Variants in ALMS1 observed in about 807,000 individuals in gnomAD.
ALMS1 encodes the protein centrosome-associated protein ALMS1.
Under a neutral mutation model 352.2 loss-of-function variants are expected in ALMS1, and 271 were observed. The ratio of observed to expected loss-of-function variants is 0.77; its 90% CI spans 0.70 to 0.85. The LOEUF is 0.85. ALMS1 is among the 40% of genes least tolerant of loss of function. The pLI is 0.00. For missense variants in ALMS1, 5,445 were observed against 4,870.7 expected (o/e 1.12, Z -3.51); for synonymous variants, 1,865 against 1,761.2 (o/e 1.06, Z -1.48).
intron 15 of ALMS1, among the ~76,000 whole-genome samples, chr2:73,565,708 A>C (rs1158152081): frequency 6.6e-6 from 1 of 152,230 alleles, no homozygotes; most frequent in Non-Finnish European, 1.5e-5. Flanking sequence ...GATAGTATGT[A>C]CCCTTAATAT....
chr2:73,566,603 C>T (rs1347018153), intron 15 of ALMS1, among the ~76,000 whole-genome samples: 1 of 152,186 alleles, frequency 6.6e-6, no homozygotes, highest in East Asian at 1.9e-4. Flanking sequence ...GAAAGCAAAA[C>T]CACAGATAAG....
At chr2:73,566,562 C>T (rs1479147269) in intron 15 of ALMS1, among the ~76,000 whole-genome samples, 1 of 152,196 alleles carries the variant, frequency 6.6e-6, no homozygotes, top group Non-Finnish European at 1.5e-5. Flanking sequence ...TATTTTTGGA[C>T]CATGGTTGAC....
At chr2:73,462,737 G>T (rs1327134767) in intron 9 of ALMS1, 7 of 152,130 alleles carry the variant, frequency 4.6e-5, no homozygotes, top group Non-Finnish European at 8.8e-5. Flanking sequence ...ACACACATAG[G>T]CTCAAAATAA....
intron 1 of ALMS1, among the ~76,000 whole-genome samples, chr2:73,400,441 G>A (rs774331578): frequency 1.3e-5 from 2 of 152,126 alleles, no homozygotes; most frequent in African/African-American, 4.8e-5. Flanking sequence ...TGGCAGTAGG[G>A]TAATACAGAC....
intron 9 of ALMS1, among the ~76,000 whole-genome samples, chr2:73,456,014 C>G (rs888197319): frequency 6.6e-6 from 1 of 152,030 alleles, no homozygotes; most frequent in Non-Finnish European, 1.5e-5. Flanking sequence ...CTTCTATTAA[C>G]TATTTCATAT....
chr2:73,589,335 T>TATAGTGAAATA (rs1675374806), intron 16 of ALMS1, among the ~76,000 whole-genome samples: 1 of 152,200 alleles, frequency 6.6e-6, no homozygotes, highest in South Asian at 2.1e-4. Context: ...CTTCTAGAAG[T>TATAGTGAAATA]ATAGTGAAAT....
chr2:73,394,170 G>T (rs911169013), intron 1 of ALMS1, among the ~76,000 whole-genome samples: 1 of 152,100 alleles, frequency 6.6e-6, no homozygotes, highest in African/African-American at 2.4e-5. Flanking sequence ...TTTGAAATGG[G>T]GGAGTTCTCC....
chr2:73,495,581 G>A (rs61213837), intron 10 of ALMS1, among the ~76,000 whole-genome samples: 1 of 152,140 alleles, frequency 6.6e-6, no homozygotes, highest in Non-Finnish European at 1.5e-5. Context: ...ACAGTATTTA[G>A]AAAGCAAGAT....
intron 2 of ALMS1, among the ~76,000 whole-genome samples, chr2:73,409,421 CTT>C (rs1671034286): frequency 6.6e-6 from 1 of 151,866 alleles, no homozygotes; most frequent in Non-Finnish European, 1.5e-5. Context: ...CCTCAGGACT[CTT>C]TATATTCTTC....
intron 21 of ALMS1, 73 bp from the exon 22 acceptor site, chr2:73,608,402 G>A (rs928979113): frequency 8.4e-7 from 1 of 1,183,818 alleles, no homozygotes; most frequent in Admixed American, 1.7e-5. Context: ...GAGGGATGAT[G>A]AGAGGAGATC....
chr2:73,526,074 A>G (rs1673785123), intron 11 of ALMS1, among the ~76,000 whole-genome samples: 1 of 152,136 alleles, frequency 6.6e-6, no homozygotes, highest in Admixed American at 6.5e-5. Context: ...TTTGTTGAAA[A>G]TGAGTTCACT....
chr2:73,483,310 G>C (rs1283094188), intron 9 of ALMS1, among the ~76,000 whole-genome samples: 1,938 of 150,498 alleles, frequency 0.013, 6 homozygotes, highest in African/African-American at 0.045. Flanking sequence ...ATCTTTATTT[G>C]TGCCTTCATT....
chr2:73,401,714 C>G (rs2103658454), intron 1 of ALMS1, among the ~76,000 whole-genome samples: 1 of 151,872 alleles, frequency 6.6e-6, no homozygotes, highest in Non-Finnish European at 1.5e-5. Context: ...TTCTAAAATC[C>G]TTTTAGCAAG....
At chr2:73,606,777 G>T (rs1408797372) in intron 21 of ALMS1, among the ~76,000 whole-genome samples, 3 of 152,112 alleles carry the variant, frequency 2.0e-5, no homozygotes. Context: ...CCTGGTGTTT[G>T]GCCTTCAATT....
At chr2:73,479,974 T>A (rs976056458) in intron 9 of ALMS1, among the ~76,000 whole-genome samples, 1 of 152,178 alleles carries the variant, frequency 6.6e-6, no homozygotes, top group African/African-American at 2.4e-5. Context: ...TGGTTTTTGA[T>A]GTTGCACATT....
At chr2:73,587,986 G>A (rs936144954) in intron 16 of ALMS1, among the ~76,000 whole-genome samples, 5 of 152,040 alleles carry the variant, frequency 3.3e-5, no homozygotes, top group Admixed American at 6.6e-5. Context: ...TAGGAACTCC[G>A]AACAGACCAA....
intron 9 of ALMS1, chr2:73,458,818 G>A (rs2103806770): frequency 6.6e-6 from 1 of 152,314 alleles, no homozygotes; most frequent in African/African-American, 2.4e-5. Flanking sequence ...TTGACGGGTA[G>A]TAAATGCCTC....
At chr2:73,489,589 A>G (rs757026661) in intron 9 of ALMS1, 45 bp from the exon 10 acceptor site, 4 of 1,606,614 alleles carry the variant, frequency 2.5e-6, no homozygotes, top group Non-Finnish European at 2.6e-6. Context: ...GTTTATAACT[A>G]CTTGGACTAC....
intron 15 of ALMS1, among the ~76,000 whole-genome samples, chr2:73,560,592 G>A (rs1431407168): frequency 6.6e-6 from 1 of 152,164 alleles, no homozygotes; most frequent in African/African-American, 2.4e-5. Flanking sequence ...AAAGCTACCT[G>A]TATACTCATG....
Sources: allele counts gnomAD v4.1 joint callset (sites outside exome capture counted in the v4.1 genomes callset), GRCh38; gene constraint gnomAD v4.1.1; transcripts MANE v1.5; gene names NCBI Gene and HGNC (gene_info 2026-07-23, HGNC 2026-07-21).